CD247: variants seen among roughly 807,000 people sequenced by gnomAD.
CD247 encodes the protein CD247 molecule.
In CD247, 13 loss-of-function variants were observed where a neutral mutation model predicts 30.0. The observed-to-expected ratio is 0.43, with a 90% CI of 0.28 to 0.69. CD247 has a LOEUF of 0.69. Ranked by LOEUF, CD247 falls within the 30% of genes least tolerant of loss-of-function variation. CD247 has a pLI of 0.16. For synonymous variants in CD247, 72 were observed against 80.0 expected, an observed-to-expected ratio of 0.90 and a Z score of 0.53; for missense variants, 193 against 212.6, an observed-to-expected ratio of 0.91 and a Z score of 0.57.
intron 1 of CD247, among the ~76,000 whole-genome samples, chr1:167,511,175 T>A (rs1655371747): frequency 6.6e-6 from 1 of 152,142 alleles, no homozygotes; most frequent in African/African-American, 2.4e-5. Flanking sequence ...AAAAAACAAA[T>A]CTCAATTCAG....
chr1:167,518,387 C>T (rs1277315156), intron 1 of CD247, 21 bp downstream of exon 1: 3 of 1,613,430 alleles, frequency 1.9e-6, no homozygotes, highest in Admixed American at 3.3e-5. Flanking sequence ...AAGTTCCCTG[C>T]CGTCGACACG....
rs138777888 is a variant in CD247 at position 167,493,332 on chromosome 1, C to T, written c.58+25076G>A. Among the ~76,000 whole-genome samples the T allele has an allele frequency of 2.8e-4, 42 of 152,194 alleles. No homozygotes were observed. In the East Asian group the frequency reaches 7.0e-3, roughly 25 times the overall value. On this transcript the variant is annotated intron_variant, in intron 1 of 7. Transcript: ENST00000362089. Reference sequence around the variant, plus strand: ...TGCTAGGATTACAGGTGTGAGCCACCGCACCTGGCCAGTTTTTCTCCTTTT... The same window carrying T: ...TGCTAGGATTACAGGTGTGAGCCACTGCACCTGGCCAGTTTTTCTCCTTTT...
chr1:167,465,934 A>T (rs953609964), intron 1 of CD247, among the ~76,000 whole-genome samples: 2 of 152,180 alleles, frequency 1.3e-5, no homozygotes, highest in Non-Finnish European at 2.9e-5. Flanking sequence ...CAGATGATGC[A>T]TGGCCAGGCA....
chr1:167,432,892 TG>T, intron 7 of CD247, 131 bp downstream of exon 7: 2 of 909,244 alleles, frequency 2.2e-6, no homozygotes, highest in East Asian at 5.1e-5. Context: ...CTGGCCTAAA[TG>T]GGTGCCTTGG....
Position 167,453,732 on chromosome 1 carries a change from C to G in CD247, c.59-12965G>C, listed in dbSNP as rs139084693. Among the ~76,000 whole-genome samples, 469 of 152,266 alleles carry G rather than the reference C, an allele frequency of 3.1e-3. 4 individuals are homozygous for G. The highest frequency in any genetic ancestry group is 0.011 in the African/African-American group (447 of 41,558). On this transcript the variant is annotated intron_variant, in intron 1 of 7. Coordinates refer to ENST00000362089, the MANE Select transcript of CD247 (RefSeq NM_198053.3). ...CCTGTAATCCTAGCACTTTGGGAGG[C>G]TGAAGCTGGAGGATTTCTTGAGCTC...
intron 1 of CD247, among the ~76,000 whole-genome samples, chr1:167,464,093 GTTT>G (rs1335354313): frequency 6.6e-6 from 1 of 152,160 alleles, no homozygotes; most frequent in Non-Finnish European, 1.5e-5. Flanking sequence ...GATTGCGCTA[GTTT>G]TACCATGGAA....
chr1:167,487,079 A>T (rs1232605679), intron 1 of CD247, among the ~76,000 whole-genome samples: 6 of 150,160 alleles, frequency 4.0e-5, no homozygotes, highest in Non-Finnish European at 8.9e-5. Context: ...ATTTCAAAAA[A>T]AAAAAAAGGA....
chr1:167,435,316 C>T (rs1183266196), intron 5 of CD247, 83 bp downstream of exon 5: 9 of 986,656 alleles, frequency 9.1e-6, no homozygotes, highest in Non-Finnish European at 1.3e-5. Context: ...TCCTCCAGCC[C>T]TTCCTCCAGC....
chr1:167,492,287 A>G (rs934850987), intron 1 of CD247, among the ~76,000 whole-genome samples: 2 of 152,214 alleles, frequency 1.3e-5, no homozygotes, highest in African/African-American at 4.8e-5. Context: ...GAGAGCCGGA[A>G]GAGGTCAGCA....
At chr1:167,512,414 G>A (rs530747014) in intron 1 of CD247, among the ~76,000 whole-genome samples, 48 of 152,212 alleles carry the variant, frequency 3.2e-4, no homozygotes, top group South Asian at 1.2e-3. Context: ...GGTAAGGATC[G>A]GGGGCTGAGT....
At chr1:167,502,436 T>G (rs1316875948) in intron 1 of CD247, among the ~76,000 whole-genome samples, 1 of 152,226 alleles carries the variant, frequency 6.6e-6, no homozygotes, top group Non-Finnish European at 1.5e-5. Flanking sequence ...GTTCACAATC[T>G]GTCTGTACCT....
At chr1:167,510,489 T>C (rs1426464990) in intron 1 of CD247, among the ~76,000 whole-genome samples, 1 of 152,184 alleles carries the variant, frequency 6.6e-6, no homozygotes, top group Non-Finnish European at 1.5e-5. Context: ...GTCACCTGGC[T>C]CAGCTGCCTT....
chr1:167,473,043 G>A (rs556604849), intron 1 of CD247, among the ~76,000 whole-genome samples: 186 of 151,916 alleles, frequency 1.2e-3, no homozygotes, highest in Non-Finnish European at 2.3e-3. Flanking sequence ...TACAGCTGGG[G>A]CCTTGAAGGA....
At chr1:167,478,961 G>A (rs1653861039) in intron 1 of CD247, among the ~76,000 whole-genome samples, 1 of 152,172 alleles carries the variant, frequency 6.6e-6, no homozygotes, top group African/African-American at 2.4e-5. Context: ...AAGTATTACA[G>A]TTTTTAATAT....
At chr1:167,460,295 G>A (rs905249510) in intron 1 of CD247, among the ~76,000 whole-genome samples, 5 of 152,092 alleles carry the variant, frequency 3.3e-5, no homozygotes, top group South Asian at 2.1e-4. Flanking sequence ...CCAGCTACTC[G>A]GGAAGCTGAG....
At chr1:167,470,270 A>G (rs1486706851) in intron 1 of CD247, among the ~76,000 whole-genome samples, 2 of 152,058 alleles carry the variant, frequency 1.3e-5, no homozygotes, top group Admixed American at 6.6e-5. Context: ...ATTTAGATCT[A>G]CAGCCCCAGT....
rs536367867 is a variant in CD247 at position 167,462,537 on chromosome 1, A to T, written c.59-21770T>A. ...TGTGTAAACAAGTGTATCTACATACACGAGAACCCAAGGGAGAGAGCTGCA... is the reference window on the plus strand; with the variant it reads ...TGTGTAAACAAGTGTATCTACATACTCGAGAACCCAAGGGAGAGAGCTGCA... On this transcript the variant is annotated intron_variant, in intron 1 of 7. Transcript: ENST00000362089. Among the ~76,000 whole-genome samples, 5 of 152,364 alleles carry T rather than the reference A, an allele frequency of 3.3e-5. No homozygotes were observed. The South Asian group carries it at 1.0e-3, about 32-fold the overall frequency.
intron 1 of CD247, among the ~76,000 whole-genome samples, chr1:167,449,695 G>T (rs1015953956): frequency 6.6e-6 from 1 of 152,066 alleles, no homozygotes; most frequent in Non-Finnish European, 1.5e-5. Context: ...GGCCGAGGTG[G>T]GCAGATCGCC....
chr1:167,490,584 C>T (rs767037758), intron 1 of CD247, among the ~76,000 whole-genome samples: 4 of 151,910 alleles, frequency 2.6e-5, no homozygotes, highest in Non-Finnish European at 4.4e-5. Flanking sequence ...GATCGCGCCA[C>T]TGCACTCCAG....
Sources: gnomAD v4.1 joint callset for allele counts (sites outside exome capture counted in the v4.1 genomes callset) on GRCh38, gnomAD v4.1.1 for gene constraint, MANE v1.5 for transcripts, NCBI Gene and HGNC (gene_info 2026-07-23, HGNC 2026-07-21) for gene names.